The following TMEM184A variants were observed in gnomAD, a reference collection of about 807,000 sequenced individuals.
TMEM184A encodes the protein sexually dimorphic, expressed in male gonads 1.
In TMEM184A, 40 loss-of-function variants were observed where a neutral mutation model predicts 39.5. That is an observed-to-expected ratio of 1.01 (90% CI 0.79 to 1.32). The LOEUF (loss-of-function observed/expected upper bound fraction) is 1.32. TMEM184A is among the 40% of genes most tolerant of loss of function. The probability of loss-of-function intolerance (pLI) is 0.00; values close to 1 mark genes in which losing one functional copy is unlikely to be tolerated. For synonymous variants in TMEM184A, 280 were observed against 252.3 expected (o/e 1.11, Z -1.04); for missense variants, 603 against 568.8 (o/e 1.06, Z -0.61).
In TMEM184A at chr7:1,543,640, G is replaced by A. The variant is rs1784257233; in HGVS notation, c.*3312C>T. ...CACGCAGGGTGAAATCCCAACTCGA[G>A]TTTTTTGAGACAGTATCTTGCTTTG... On this transcript the variant is annotated 3_prime_UTR_variant, in exon 9 of 9. Coordinates refer to ENST00000297477, the MANE Select transcript of TMEM184A (RefSeq NM_001097620.2). 2 of 152,360 alleles carry A rather than the reference G, an allele frequency of 1.3e-5. No homozygotes were observed. Among genetic ancestry groups the A allele is most frequent in the African/African-American group, 4.8e-5 (2 of 41,422 alleles). 9.4% of individuals were successfully genotyped at this position (152,360 alleles called of 1,614,324 possible). A position where few individuals can be genotyped will look rare whatever the true frequency, so the allele number is the denominator to read the frequency against.
At position 1,549,696 on chromosome 7, in the gene TMEM184A, C is replaced by G. The variant is rs1178143436; in HGVS notation, c.644+158G>C. 4 of 748,898 alleles carry G rather than the reference C, an allele frequency of 5.3e-6. No homozygotes were observed. The African/African-American group carries it at 7.0e-5, about 13-fold the overall frequency. The allele number at this position is 748,898 out of a possible 1,614,324, so 46.4% of individuals were successfully genotyped here. A position where few individuals can be genotyped will look rare whatever the true frequency, so the allele number is the denominator to read the frequency against. The stretch of plus-strand genomic sequence containing the variant: ...CTTGTTGGGCCCCACCGCTGGGCCC[C>G]AGGGGACCCAGTGCCCACCTCATGC... On this transcript the variant is annotated intron_variant, in intron 6 of 8. Coordinates refer to ENST00000297477, the MANE Select transcript of TMEM184A (RefSeq NM_001097620.2).
At chr7:1,551,333 C>T (rs1377599509) in intron 2 of TMEM184A, among the ~76,000 whole-genome samples, 2 of 72,828 alleles carry the variant, frequency 2.7e-5, no homozygotes, top group East Asian at 4.3e-4. Context: ...CCAGGTGAGC[C>T]GGGAAGGAGG....
At chr7:1,547,430 C>T (rs373561067) in intron 8 of TMEM184A, among the ~76,000 whole-genome samples, 1 of 152,188 alleles carries the variant, frequency 6.6e-6, no homozygotes, top group Non-Finnish European at 1.5e-5. Flanking sequence ...CAGCGGAGTA[C>T]GCCTTTGGCT....
intron 8 of TMEM184A, among the ~76,000 whole-genome samples, chr7:1,547,490 G>A (rs1784395530): frequency 6.6e-6 from 1 of 152,196 alleles, no homozygotes; most frequent in African/African-American, 2.4e-5. Flanking sequence ...TGAGAAGCCG[G>A]CAGGCCACAG....
At chr7:1,550,713 A>T in intron 3 of TMEM184A, 104 bp downstream of exon 3, 1 of 1,424,546 alleles carries the variant, frequency 7.0e-7, no homozygotes, top group Non-Finnish European at 9.6e-7. Flanking sequence ...ACGGGCCGGG[A>T]GAGTGGGGTG....
In TMEM184A at chr7:1,552,356, G is replaced by A. The variant is rs762564886; in HGVS notation, c.220-1374C>T. Among the ~76,000 whole-genome samples, 21 of 152,190 alleles carry A rather than the reference G, an allele frequency of 1.4e-4. No homozygotes were observed. In the South Asian group the frequency reaches 2.1e-3, roughly 15 times the overall value. On this transcript the variant is annotated intron_variant, in intron 2 of 8. Coordinates refer to ENST00000297477, the MANE Select transcript of TMEM184A (RefSeq NM_001097620.2). Reference sequence around the variant, plus strand: ...AGCGCGATGTCTGATATGTGTGTTCGTGGGGAATGGCTGAGTCAAACCCAT... The same window carrying A: ...AGCGCGATGTCTGATATGTGTGTTCATGGGGAATGGCTGAGTCAAACCCAT...
At chr7:1,547,712 C>T (rs374172194) in intron 8 of TMEM184A, 30 bp downstream of exon 8, 26 of 1,594,356 alleles carry the variant, frequency 1.6e-5, no homozygotes, top group East Asian at 1.1e-4. Flanking sequence ...CTGTGCGCTC[C>T]GGGTGCCCCA....
At chr7:1,550,658 GGCCTGCCAGC>G (rs879882942) in intron 3 of TMEM184A, among the ~76,000 whole-genome samples, 149 bp downstream of exon 3, 1 of 152,160 alleles carries the variant, frequency 6.6e-6, no homozygotes, top group African/African-American at 2.4e-5. Flanking sequence ...GTGTGTTCCA[GGCCTGCCAGC>G]GCCGCTAACC....
At position 1,548,667 on chromosome 7, in the gene TMEM184A, A is replaced by G; in HGVS notation, c.666T>C (p.Tyr222=). The G allele has an allele frequency of 1.9e-6, 3 of 1,613,732 alleles. No homozygotes were observed. The highest frequency in any genetic ancestry group is 1.1e-5 in the South Asian group (1 of 91,090). Residue 222 remains tyrosine, a synonymous_variant, in exon 7 of 9, where the codon TAT becomes TAC. Transcript: ENST00000297477. ...CGGAGGCGTTGTAGATGAGGGTCAC[A>G]TAGAGGTAGCCGCTGCGGACACTAG... is the stretch of plus-strand genomic sequence containing the variant. ...GDFNVRSGYL[Y]VTLIYNASVS...
In TMEM184A at chr7:1,550,842, G is replaced by A. The variant is rs1461466042; in HGVS notation, c.360C>T (p.Phe120=). ...LLGDHQYYVY[F]DSVRDCYEAF... Reference sequence around the variant, plus strand: ...CTTCGTAGCAGTCCCGCACAGAGTCGAAGTAGACGTAGTACTGGTGGTCTC... The same window carrying A: ...CTTCGTAGCAGTCCCGCACAGAGTCAAAGTAGACGTAGTACTGGTGGTCTC... Residue 120 remains phenylalanine, a synonymous_variant, in exon 3 of 9, where the codon TTC becomes TTT. Transcript: ENST00000297477. 16 of 1,613,210 alleles carry A rather than the reference G, an allele frequency of 9.9e-6. No individual in the cohort carries two copies. Among genetic ancestry groups the A allele is most frequent in the Non-Finnish European group, 1.0e-5 (12 of 1,179,936 alleles).
rs112718544 is a variant in TMEM184A, at chr7:1,543,970, A to C, written c.*2982T>G. On this transcript the variant is annotated 3_prime_UTR_variant, in exon 9 of 9. Transcript: ENST00000297477. ...CGCAGCATCTGTGTGGCCTGGGGCCAGTTCCCTCCTTCCCAGCCTTGCTTC... is the reference window on the plus strand; with the variant it reads ...CGCAGCATCTGTGTGGCCTGGGGCCCGTTCCCTCCTTCCCAGCCTTGCTTC... 1,736 of 152,410 alleles carry C rather than the reference A, an allele frequency of 0.011. 18 individuals carry two copies. The highest frequency in any genetic ancestry group is 0.016 in the Non-Finnish European group (1,119 of 68,094). The allele number at this position is 152,410 out of a possible 1,614,324, so 9.4% of individuals were successfully genotyped here.
In TMEM184A at chr7:1,547,835, A is replaced by T; in HGVS notation, c.919T>A (p.Phe307Ile). The change falls in exon 8 of 9, where the codon TTC becomes ATC. Residue 307 changes from phenylalanine (F) to isoleucine (I), a missense_variant. By Grantham distance (21) the Phe-to-Ile change is conservative. Transcript: ENST00000297477. ...AGTLAAGYQNFIICVEMLFAS... is the reference protein window; with the variant it reads ...AGTLAAGYQNIIICVEMLFAS... ...AACAGCATCTCCACGCAGATGATGA[A>T]GTTCTGGTAGCCGGCGGCCAGCGTG... 1 of 1,611,848 alleles carries T rather than the reference A, an allele frequency of 6.2e-7. No homozygotes were observed. The highest frequency in any genetic ancestry group is 8.5e-7 in the Non-Finnish European group (1 of 1,179,496).
At chr7:1,552,880 T>G (rs774656087) in intron 2 of TMEM184A, among the ~76,000 whole-genome samples, 5 of 152,100 alleles carry the variant, frequency 3.3e-5, no homozygotes, top group Non-Finnish European at 7.4e-5. Context: ...CAGGGCGAAC[T>G]CCATCTCTAC....
intron 2 of TMEM184A, among the ~76,000 whole-genome samples, chr7:1,552,222 C>A (rs1431884455): frequency 1.3e-5 from 2 of 152,168 alleles, no homozygotes; most frequent in Non-Finnish European, 2.9e-5. Context: ...AAGGGATCCT[C>A]CTGCCTCCGT....
In TMEM184A at chr7:1,555,356, CT is replaced by C; in HGVS notation, c.128del (p.Gln43ArgfsTer94). ...PQMDHMGNSS[Q>X]GAPWLFLTSA... ...AGGTGAGGAAGAGCCAGGGGGCCCC[CT>C]GGGAGCTGTTCCCCATGTGGTCCAT... On this transcript the variant is annotated frameshift_variant, in exon 2 of 9. Coordinates refer to ENST00000297477, the MANE Select transcript of TMEM184A (RefSeq NM_001097620.2). LOFTEE classifies it high-confidence loss of function. The surrounding 1 kb of genome is among the most constrained non-coding windows in gnomAD (Gnocchi z 5.2). 6.2e-7 allele frequency: 1 copy of C among 1,611,118 alleles called. No individual in the cohort carries two copies. Among genetic ancestry groups the C allele is most frequent in the Non-Finnish European group, 8.5e-7 (1 of 1,179,084 alleles).
chr7:1,546,606 G>T lies in TMEM184A; in HGVS notation c.*346C>A. On this transcript the variant is annotated 3_prime_UTR_variant, in exon 9 of 9. Transcript: ENST00000297477. Reference sequence around the variant, plus strand: ...AACCAGGGAGTCTGACCCACTCACAGCTCCCATGGGGTCCGTGCAGCCAAG... The same window carrying T: ...AACCAGGGAGTCTGACCCACTCACATCTCCCATGGGGTCCGTGCAGCCAAG... 4.1e-6 allele frequency: 1 copy of T among 242,406 alleles called. No individual in the cohort carries two copies. The allele number at this position is 242,406 out of a possible 1,614,324, so 15.0% of individuals were successfully genotyped here. A position where few individuals can be genotyped will look rare whatever the true frequency, so the allele number is the denominator to read the frequency against.
chr7:1,553,136 A>T (rs368223704), intron 2 of TMEM184A, among the ~76,000 whole-genome samples: 2 of 151,592 alleles, frequency 1.3e-5, no homozygotes, highest in Non-Finnish European at 1.5e-5. Context: ...CCACGTTTTT[A>T]TTTTTTTTAA....
rs139449337 is a variant in TMEM184A, at chr7:1,550,147, G to A, written c.528C>T (p.Ile176=). 1,047 of 1,607,172 alleles carry A rather than the reference G, an allele frequency of 6.5e-4. 8 individuals carry two copies. The African/African-American group carries it at 0.012, about 18-fold the overall frequency. ...TCCLRGMTYS[I]GFLRFCKQAT... is the part of the protein sequence containing the mutation. ...CCTGCTTACAGAAGCGCAGGAACCCGATGGAGTAGGTCATGCCCCGGAGGC... is the reference window on the plus strand; with the variant it reads ...CCTGCTTACAGAAGCGCAGGAACCCAATGGAGTAGGTCATGCCCCGGAGGC... Residue 176 remains isoleucine (I), a synonymous_variant, in exon 5 of 9, where the codon ATC becomes ATT. Transcript: ENST00000297477.
intron 6 of TMEM184A, chr7:1,549,508 G>A: frequency 2.1e-6 from 1 of 485,954 alleles, no homozygotes; most frequent in South Asian, 1.5e-5. Context: ...GAAGCCCTGG[G>A]GTCCTCGGCG....
Sources: allele counts gnomAD v4.1 joint callset (sites outside exome capture counted in the v4.1 genomes callset), GRCh38; gene constraint gnomAD v4.1.1; non-coding constraint Gnocchi (gnomAD v3.1); transcripts MANE v1.5; gene names NCBI Gene and HGNC (gene_info 2026-07-23, HGNC 2026-07-21).